Variants in POLR3B observed in about 807,000 individuals in gnomAD.
POLR3B encodes the protein DNA-directed RNA polymerase III subunit RPC2.
In POLR3B, 96 loss-of-function variants were observed where a neutral mutation model predicts 147.4. The ratio of observed to expected loss-of-function variants is 0.65; its 90% CI spans 0.55 to 0.77. The LOEUF (loss-of-function observed/expected upper bound fraction) is 0.77, where lower values mean the gene tolerates loss of function less well. POLR3B is among the 30% of genes least tolerant of loss of function. The pLI, the probability that POLR3B is intolerant of heterozygous loss-of-function variation, is 0.00. For synonymous variants in POLR3B, 461 were observed against 485.9 expected (o/e 0.95, Z 0.67); for missense variants, 1,036 against 1,413.5 (o/e 0.73, Z 4.28).
intron 9 of POLR3B, among the ~76,000 whole-genome samples, chr12:106,386,393 A>G (rs2036838421): frequency 6.6e-5 from 10 of 151,754 alleles, no homozygotes; most frequent in Admixed American, 5.3e-4. Context: ...TTACATCTCC[A>G]GCAGAGGGCA....
At chr12:106,438,044 C>A (rs753792322) in intron 18 of POLR3B, among the ~76,000 whole-genome samples, 1 of 152,106 alleles carries the variant, frequency 6.6e-6, no homozygotes, top group African/African-American at 2.4e-5. Context: ...TCTTCCTCCC[C>A]CAACCCCCTA....
At position 106,364,863 on chromosome 12, in the gene POLR3B, C is replaced by T. The variant is rs183915708; in HGVS notation, c.105+961C>T. 3.4e-3 allele frequency among the ~76,000 whole-genome samples: 515 copies of T among 152,296 alleles called. 1 individual carries two copies. The highest frequency in any genetic ancestry group is 9.5e-3 in the African/African-American group (393 of 41,564). Reference sequence around the variant, plus strand: ...GAGACTTGAAAAATGAGGCCGGGCGCGGTGGCTCACGCCTGTAATCCCAGC... The same window carrying T: ...GAGACTTGAAAAATGAGGCCGGGCGTGGTGGCTCACGCCTGTAATCCCAGC... On this transcript the variant is annotated intron_variant, in intron 2 of 27. Transcript: ENST00000228347.
chr12:106,390,007 C>G (rs2036892512), intron 9 of POLR3B, among the ~76,000 whole-genome samples: 1 of 152,090 alleles, frequency 6.6e-6, no homozygotes, highest in Admixed American at 6.6e-5. Flanking sequence ...TCACTTGCAG[C>G]CAGGAATTTG....
intron 15 of POLR3B, 47 bp downstream of exon 15, chr12:106,432,527 G>C (rs766783150): frequency 6.9e-7 from 1 of 1,453,744 alleles, no homozygotes; most frequent in Admixed American, 1.7e-5. Flanking sequence ...TCTGTGAAGA[G>C]GGGGAGGGAA....
intron 8 of POLR3B, among the ~76,000 whole-genome samples, chr12:106,378,929 G>T (rs17038405): frequency 0.016 from 2,370 of 152,250 alleles, 60 homozygotes; most frequent in African/African-American, 0.054. Flanking sequence ...AAATATGGAG[G>T]TTAATGAGTT....
At chr12:106,379,276 CTG>C (rs2036726792) in intron 8 of POLR3B, among the ~76,000 whole-genome samples, 1 of 152,212 alleles carries the variant, frequency 6.6e-6, no homozygotes, top group African/African-American at 2.4e-5. Flanking sequence ...TTCCCACTAT[CTG>C]TAACTTTGGA....
Position 106,496,174 on chromosome 12 carries a change from G to A in POLR3B, c.2817+16G>A, listed in dbSNP as rs376115447. ...ACGAATGACGGTCAGTGACCTGTAGGTTTTTCAGAGGCATTGCCTTTAAGG... is the reference window on the plus strand; with the variant it reads ...ACGAATGACGGTCAGTGACCTGTAGATTTTTCAGAGGCATTGCCTTTAAGG... On this transcript the variant is annotated intron_variant, in intron 24 of 27. Transcript: ENST00000228347. The A allele has an allele frequency of 1.5e-5, 22 of 1,440,106 alleles. No homozygotes were observed. The African/African-American group carries it at 3.1e-4, about 20-fold the overall frequency. The allele number at this position is 1,440,106 out of a possible 1,614,324, so 89.2% of individuals were successfully genotyped here. A position where few individuals can be genotyped will look rare whatever the true frequency, so the allele number is the denominator to read the frequency against.
chr12:106,365,421 C>T (rs1012988701), intron 2 of POLR3B, among the ~76,000 whole-genome samples: 2 of 152,300 alleles, frequency 1.3e-5, no homozygotes, highest in Non-Finnish European at 1.5e-5. Context: ...GGTCTTGCTA[C>T]ATTGCCCAGG....
chr12:106,398,765 T>C (rs1426718468), intron 10 of POLR3B, among the ~76,000 whole-genome samples: 1 of 152,158 alleles, frequency 6.6e-6, no homozygotes, highest in African/African-American at 2.4e-5. Context: ...GACCTGCAGC[T>C]GAGGGTACTG....
chr12:106,401,294 T>C (rs7314428), intron 10 of POLR3B, among the ~76,000 whole-genome samples: 3,132 of 152,314 alleles, frequency 0.021, 106 homozygotes, highest in African/African-American at 0.071. Flanking sequence ...AATCTCTGAA[T>C]AGACCAATAA....
intron 23 of POLR3B, among the ~76,000 whole-genome samples, chr12:106,484,317 A>G (rs1470931700): frequency 2.0e-5 from 3 of 152,178 alleles, no homozygotes; most frequent in Non-Finnish European, 4.4e-5. Context: ...AGATGATGGA[A>G]GATCATCTCG....
At chr12:106,476,148 A>C (rs1273783602) in intron 23 of POLR3B, among the ~76,000 whole-genome samples, 1 of 120,026 alleles carries the variant, frequency 8.3e-6, no homozygotes, top group African/African-American at 3.3e-5. Flanking sequence ...CTGGATATGA[A>C]ATTCTGGGTT....
intron 23 of POLR3B, among the ~76,000 whole-genome samples, chr12:106,486,156 G>A (rs1356278333): frequency 6.6e-6 from 1 of 151,998 alleles, no homozygotes. Context: ...GGGCGTGATG[G>A]CAGGTGCCTG....
intron 9 of POLR3B, among the ~76,000 whole-genome samples, chr12:106,387,838 A>G (rs1379863711): frequency 6.6e-6 from 1 of 152,220 alleles, no homozygotes; most frequent in Non-Finnish European, 1.5e-5. Context: ...AGTTGCTGTG[A>G]AGAGCAAACA....
intron 11 of POLR3B, among the ~76,000 whole-genome samples, chr12:106,409,956 A>G (rs1251342654): frequency 1.3e-5 from 2 of 152,198 alleles, no homozygotes; most frequent in East Asian, 1.9e-4. Flanking sequence ...TCAACTTACT[A>G]TGATTGAGCC....
At chr12:106,448,020 G>C (rs966680543) in intron 19 of POLR3B, among the ~76,000 whole-genome samples, 1 of 151,940 alleles carries the variant, frequency 6.6e-6, no homozygotes. Context: ...ATAAAATTTT[G>C]TTTCATTCTA....
In POLR3B at chr12:106,425,314, C is replaced by T. The variant is rs567119840; in HGVS notation, c.1102-1883C>T. On this transcript the variant is annotated intron_variant, in intron 12 of 27. Transcript: ENST00000228347. ...TCCTCCCCTAGGGAAAGATGCTTCT[C>T]CCTCCTCTTCTCTCTGGCATTGCAC... is the stretch of plus-strand genomic sequence containing the variant. Among the ~76,000 whole-genome samples the T allele has an allele frequency of 3.3e-4, 51 of 152,322 alleles. 1 individual carries two copies. The Middle Eastern group carries it at 0.017, about 51-fold the overall frequency.
Position 106,504,386 on chromosome 12 carries a change from A to G in POLR3B, c.3272+132A>G, listed in dbSNP as rs2137089284. 1.3e-6 allele frequency: 1 copy of G among 768,990 alleles called. No individual in the cohort carries two copies. The highest frequency in any genetic ancestry group is 1.7e-5 in the African/African-American group (1 of 58,858). 47.6% of individuals were successfully genotyped at this position (768,990 alleles called of 1,614,324 possible). On this transcript the variant is annotated intron_variant, in intron 27 of 27. Coordinates refer to ENST00000228347, the MANE Select transcript of POLR3B (RefSeq NM_018082.6). The surrounding 1 kb of genome is among the most constrained non-coding windows in gnomAD (Gnocchi z 4.6). ...ATCACTAACATACCCTCCCTCATGC[A>G]TGTATTCCTGTCATTGGGGATACTC...
intron 21 of POLR3B, among the ~76,000 whole-genome samples, chr12:106,458,270 G>A (rs763360225): frequency 6.6e-6 from 1 of 151,840 alleles, no homozygotes; most frequent in Non-Finnish European, 1.5e-5. Context: ...CCATAGGCAC[G>A]TGCCACCATG....
Sources: gnomAD v4.1 joint callset for allele counts (sites outside exome capture counted in the v4.1 genomes callset) on GRCh38, gnomAD v4.1.1 for gene constraint, Gnocchi (gnomAD v3.1) non-coding constraint, MANE v1.5 for transcripts, NCBI Gene and HGNC (gene_info 2026-07-23, HGNC 2026-07-21) for gene names.